The following PNPLA3 variants were observed in gnomAD, a reference collection of about 807,000 sequenced individuals.
PNPLA3 encodes the protein patatin like domain 3, 1-acylglycerol-3-phosphate O-acyltransferase.
PNPLA3 carries 42 observed loss-of-function variants against 43.1 expected under a neutral mutation model. The observed-to-expected ratio is 0.97, with a 90% CI of 0.76 to 1.26. PNPLA3 has a LOEUF of 1.26. Among genes scored for constraint, PNPLA3 ranks in the 50% most tolerant of loss-of-function variants. PNPLA3 has a pLI of 0.00. For synonymous variants in PNPLA3, 272 were observed against 253.6 expected (o/e 1.07, Z -0.69); for missense variants, 647 against 621.4 (o/e 1.04, Z -0.44).
Position 43,939,999 on chromosome 22 carries a change from G to A in PNPLA3, c.986G>A (p.Ser329Asn). ...TLSPRLATAL[S>N]EEMKDKGGYM... ...TCCAAATTGTCTTTTTCAGCACTGA[G>A]TGAAGAAATGAAAGACAAAGGTGGA... Residue 329 changes from serine (S) to asparagine (N), a missense_variant, in exon 7 of 9, where the codon AGT (serine) becomes AAT (asparagine). Transcript: ENST00000216180. 1.2e-6 allele frequency: 2 copies of A among 1,614,184 alleles called. No homozygotes were observed. Among genetic ancestry groups the A allele is most frequent in the Non-Finnish European group, 1.7e-6 (2 of 1,180,038 alleles).
Position 43,944,718 on chromosome 22 carries a change from C to T in PNPLA3, c.1140C>T (p.Pro380=), listed in dbSNP as rs140001677. 4.0e-5 allele frequency: 65 copies of T among 1,614,146 alleles called. 1 individual carries two copies. The Middle Eastern group carries it at 4.9e-4, about 12-fold the overall frequency. The change falls in exon 8 of 9, where the codon CCC becomes CCT. Residue 380 remains proline, a synonymous_variant. Coordinates refer to ENST00000216180, the MANE Select transcript of PNPLA3 (RefSeq NM_025225.3). Reference sequence around the variant, plus strand: ...TGGTGACATGGCTTCCAGATATGCCCGACGATGTCCTGTGGTTGCAGTGGG... The same window carrying T: ...TGGTGACATGGCTTCCAGATATGCCTGACGATGTCCTGTGGTTGCAGTGGG... ...QRLVTWLPDM[P]DDVLWLQWVT... is the part of the protein sequence containing the mutation.
At chr22:43,929,020 C>A (rs1344998725) in intron 3 of PNPLA3, 131 bp downstream of exon 3, 3 of 925,046 alleles carry the variant, frequency 3.2e-6, no homozygotes, top group East Asian at 4.8e-5. Flanking sequence ...TGCCTCACTG[C>A]CTTTCAGACA....
At chr22:43,929,838 C>T (rs942401659) in intron 3 of PNPLA3, among the ~76,000 whole-genome samples, 4 of 152,072 alleles carry the variant, frequency 2.6e-5, no homozygotes, top group African/African-American at 7.2e-5. Context: ...CTCAGGTGAT[C>T]CGCCCGCCTT....
intron 4 of PNPLA3, among the ~76,000 whole-genome samples, chr22:43,934,083 G>A (rs1186162044): frequency 6.6e-6 from 1 of 152,094 alleles, no homozygotes; most frequent in Non-Finnish European, 1.5e-5. Context: ...TTGGGAGGCT[G>A]AGGCAGGTGG....
At chr22:43,934,903 C>A (rs920785836) in intron 5 of PNPLA3, among the ~76,000 whole-genome samples, 1 of 152,076 alleles carries the variant, frequency 6.6e-6, no homozygotes, top group Non-Finnish European at 1.5e-5. Context: ...GGGGCAGAGC[C>A]GAGATTTGAA....
At chr22:43,937,375 C>A in intron 6 of PNPLA3, 103 bp downstream of exon 6, 1 of 1,066,236 alleles carries the variant, frequency 9.4e-7, no homozygotes, top group South Asian at 1.4e-5. Context: ...GTGAGGCAAC[C>A]ATGACAGGTG....
chr22:43,943,858 A>C (rs1309654602), intron 7 of PNPLA3, among the ~76,000 whole-genome samples: 1 of 151,876 alleles, frequency 6.6e-6, no homozygotes, highest in Non-Finnish European at 1.5e-5. Context: ...TCGCGATCTC[A>C]GCTCACTGCA....
At chr22:43,929,721 C>G (rs1343279691) in intron 3 of PNPLA3, among the ~76,000 whole-genome samples, 4 of 151,118 alleles carry the variant, frequency 2.6e-5, no homozygotes, top group South Asian at 2.1e-4. Flanking sequence ...CTCAACCTCC[C>G]GAGTAGCTGG....
chr22:43,944,001 T>G (rs1304841171), intron 7 of PNPLA3, among the ~76,000 whole-genome samples: 2 of 152,154 alleles, frequency 1.3e-5, no homozygotes, highest in Non-Finnish European at 2.9e-5. Context: ...TTGGCCAGCC[T>G]GGTCTCAAAC....
chr22:43,939,586 G>C (rs1434349615), intron 6 of PNPLA3: 1 of 200,304 alleles, frequency 5.0e-6, no homozygotes, highest in Non-Finnish European at 8.9e-6. Flanking sequence ...AGGCCGAGGT[G>C]GGTGGATCAC....
At chr22:43,943,144 T>G (rs571236075) in intron 7 of PNPLA3, among the ~76,000 whole-genome samples, 1 of 152,222 alleles carries the variant, frequency 6.6e-6, no homozygotes, top group Non-Finnish European at 1.5e-5. Context: ...TGTTCTTTTT[T>G]CTTAGCATTC....
At chr22:43,944,968 C>T (rs2050053653) in intron 8 of PNPLA3, among the ~76,000 whole-genome samples, 173 bp downstream of exon 8, 1 of 152,212 alleles carries the variant, frequency 6.6e-6, no homozygotes, top group African/African-American at 2.4e-5. Context: ...CCTGGCACAC[C>T]TGCTGAGAGC....
chr22:43,942,832 A>G (rs1393312552), intron 7 of PNPLA3, among the ~76,000 whole-genome samples: 5 of 151,038 alleles, frequency 3.3e-5, no homozygotes, highest in Non-Finnish European at 1.5e-5. Flanking sequence ...CCTCCTAAGT[A>G]GCTGGGACTG....
Position 43,937,202 on chromosome 22 carries a change from C to A in PNPLA3, c.909C>A (p.Asp303Glu), listed in dbSNP as rs762681701. 26 of 1,614,160 alleles carry A rather than the reference C, an allele frequency of 1.6e-5. No individual in the cohort carries two copies. The highest frequency in any genetic ancestry group is 2.1e-5 in the Non-Finnish European group (25 of 1,180,038). Residue 303 changes from aspartate to glutamate, a missense_variant, in exon 6 of 9, where the codon GAC (aspartate) becomes GAA (glutamate). Asp to Glu is a conservative substitution (Grantham distance 45). Transcript: ENST00000216180. ...AVRLEGDELLDHLRLSILPWD... is the reference protein window; with the variant it reads ...AVRLEGDELLEHLRLSILPWD... Reference sequence around the variant, plus strand: ...GGCTGGAGGGAGATGAGCTGCTAGACCACCTGCGTCTCAGCATCCTGCCCT... The same window carrying A: ...GGCTGGAGGGAGATGAGCTGCTAGAACACCTGCGTCTCAGCATCCTGCCCT...
intron 6 of PNPLA3, among the ~76,000 whole-genome samples, chr22:43,939,141 G>A (rs2050014911): frequency 6.6e-6 from 1 of 152,116 alleles, no homozygotes; most frequent in South Asian, 2.1e-4. Context: ...GGCCAGGCTG[G>A]TCTTGAACTC....
chr22:43,943,706 A>G (rs1046377920), intron 7 of PNPLA3, among the ~76,000 whole-genome samples: 1 of 152,112 alleles, frequency 6.6e-6, no homozygotes, highest in Non-Finnish European at 1.5e-5. Flanking sequence ...AGTCCTGAGC[A>G]CTTATTTCAC....
chr22:43,931,059 G>A (rs555686923), intron 3 of PNPLA3, among the ~76,000 whole-genome samples: 18 of 152,194 alleles, frequency 1.2e-4, no homozygotes, highest in South Asian at 4.1e-4. Flanking sequence ...CCCGGGGGGC[G>A]GAGCTTGCAG....
intron 1 of PNPLA3, among the ~76,000 whole-genome samples, chr22:43,924,717 A>T (rs1684761201): frequency 6.7e-6 from 1 of 149,062 alleles, no homozygotes; most frequent in African/African-American, 2.5e-5. Context: ...GCGTGATCTC[A>T]ACTCACTGCA....
intron 1 of PNPLA3, among the ~76,000 whole-genome samples, chr22:43,925,860 G>A (rs1569008435): frequency 2.0e-5 from 3 of 152,212 alleles, no homozygotes; most frequent in Admixed American, 1.3e-4. Context: ...CAAATGCAGA[G>A]GTCCCAGGAG....
Sources: allele counts gnomAD v4.1 joint callset (sites outside exome capture counted in the v4.1 genomes callset), GRCh38; gene constraint gnomAD v4.1.1; transcripts MANE v1.5; gene names NCBI Gene and HGNC (gene_info 2026-07-23, HGNC 2026-07-21).